HSD17B12: variants seen among roughly 807,000 people sequenced by gnomAD.
HSD17B12 encodes the protein hydroxysteroid 17-beta dehydrogenase 12, also known as very-long-chain 3-oxoacyl-CoA reductase.
In HSD17B12, 32 loss-of-function variants were observed where a neutral mutation model predicts 39.3. The ratio of observed to expected loss-of-function variants is 0.81; its 90% CI spans 0.61 to 1.09. The LOEUF (loss-of-function observed/expected upper bound fraction) is 1.09. HSD17B12 is among the 50% of genes least tolerant of loss of function. The probability of loss-of-function intolerance (pLI) is 0.00; values close to 1 mark genes in which losing one functional copy is unlikely to be tolerated. For missense variants in HSD17B12, 342 were observed against 382.9 expected, an observed-to-expected ratio of 0.89 and a Z score of 0.89; for synonymous variants, 150 against 146.7, an observed-to-expected ratio of 1.02 and a Z score of -0.16.
intron 9 of HSD17B12, among the ~76,000 whole-genome samples, chr11:43,846,748 G>C (rs1467111948): frequency 6.6e-6 from 1 of 152,188 alleles, no homozygotes; most frequent in Non-Finnish European, 1.5e-5. Context: ...CTATTTATTA[G>C]ACCCTTGGCT....
chr11:43,634,919 T>C, the HSD17B12 span, among the ~76,000 whole-genome samples: 2 of 152,202 alleles, frequency 1.3e-5, no homozygotes, highest in Admixed American at 6.5e-5. Context: ...TGGAAAAAAT[T>C]AGAATATGGC....
chr11:43,793,153 G>A (rs1950884273), intron 3 of HSD17B12, among the ~76,000 whole-genome samples: 1 of 152,104 alleles, frequency 6.6e-6, no homozygotes, highest in South Asian at 2.1e-4. Context: ...AGTGGAAGTA[G>A]CTTTACCTTG....
In HSD17B12 at chr11:43,816,980, ATATATCTATATCTATATC is replaced by A. The variant is rs57362643; in HGVS notation, c.501+637_501+654del. Among the ~76,000 whole-genome samples the A allele has an allele frequency of 5.0e-3, 668 of 132,898 alleles. 4 individuals are homozygous for A. Among genetic ancestry groups the A allele is most frequent in the South Asian group, 0.012 (51 of 4,160 alleles). 87.2% of individuals were successfully genotyped at this position (132,898 alleles called of 152,430 possible). Reference sequence around the variant, plus strand: ...TTATGACTGAGTAGTATTCCATCATATATATCTATATCTATATCTATATCTATATCTATATCTATATCT... The same window carrying A: ...TTATGACTGAGTAGTATTCCATCATATATATCTATATCTATATCTATATCT... On this transcript the variant is annotated intron_variant, in intron 6 of 10. Transcript: ENST00000278353.
the HSD17B12 span, among the ~76,000 whole-genome samples, chr11:43,590,810 T>C: frequency 4.4e-5 from 2 of 45,616 alleles, no homozygotes; most frequent in African/African-American, 1.3e-4. Flanking sequence ...AGCTCGACTT[T>C]TTTTTTTTTT....
intron 1 of HSD17B12, among the ~76,000 whole-genome samples, chr11:43,740,987 T>A (rs1950358950): frequency 6.6e-6 from 1 of 152,210 alleles, no homozygotes; most frequent in African/African-American, 2.4e-5. Flanking sequence ...ATCATTTCAG[T>A]GTTGCTGTGA....
chr11:43,635,179 T>C, the HSD17B12 span, among the ~76,000 whole-genome samples: 1 of 152,236 alleles, frequency 6.6e-6, no homozygotes, highest in African/African-American at 2.4e-5. Context: ...TTTGTTTGTT[T>C]GAAAATTTCC....
At chr11:43,805,296 G>A (rs1951007590) in intron 4 of HSD17B12, among the ~76,000 whole-genome samples, 1 of 152,088 alleles carries the variant, frequency 6.6e-6, no homozygotes, top group African/African-American at 2.4e-5. Context: ...AATTCTTATT[G>A]GAACTAGTAT....
intron 1 of HSD17B12, among the ~76,000 whole-genome samples, chr11:43,711,808 C>T (rs1480839819): frequency 1.3e-5 from 2 of 152,128 alleles, no homozygotes; most frequent in Non-Finnish European, 2.9e-5. Flanking sequence ...AGAAAATTTT[C>T]AGACTTTTCA....
At chr11:43,580,196 A>G in the HSD17B12 span, among the ~76,000 whole-genome samples, 1 of 151,044 alleles carries the variant, frequency 6.6e-6, no homozygotes. Flanking sequence ...GGGAGGGAGG[A>G]AGAGGGAGGG....
At chr11:43,592,717 C>G in the HSD17B12 span, among the ~76,000 whole-genome samples, 1 of 152,082 alleles carries the variant, frequency 6.6e-6, no homozygotes, top group Non-Finnish European at 1.5e-5. Context: ...TCCATCCTTC[C>G]TGTTGACTGT....
chr11:43,829,972 C>T (rs925178989), intron 6 of HSD17B12: 1 of 152,130 alleles, frequency 6.6e-6, no homozygotes, highest in African/African-American at 2.4e-5. Context: ...TCTGTACTAC[C>T]ATACAAAGCT....
the HSD17B12 span, among the ~76,000 whole-genome samples, chr11:43,657,947 T>C: frequency 6.6e-6 from 1 of 152,250 alleles, no homozygotes; most frequent in Non-Finnish European, 1.5e-5. Flanking sequence ...TGGCCTGCCT[T>C]GCCAGATTGG....
intron 3 of HSD17B12, among the ~76,000 whole-genome samples, chr11:43,781,966 T>C (rs1186622518): frequency 2.6e-5 from 4 of 152,350 alleles, no homozygotes; most frequent in Non-Finnish European, 4.4e-5. Flanking sequence ...GGTTTAACTC[T>C]GATTGATTTA....
chr11:43,612,413 G>C, the HSD17B12 span, among the ~76,000 whole-genome samples: 1 of 152,176 alleles, frequency 6.6e-6, no homozygotes, highest in Non-Finnish European at 1.5e-5. Flanking sequence ...GAAAGTCTGG[G>C]TTTGGTCTGG....
chr11:43,616,086 G>A, the HSD17B12 span, among the ~76,000 whole-genome samples: 2 of 152,278 alleles, frequency 1.3e-5, no homozygotes, highest in Admixed American at 1.3e-4. Context: ...AGGCAAACGG[G>A]AAAGGTCTGA....
chr11:43,653,078 G>C, the HSD17B12 span, among the ~76,000 whole-genome samples: 1 of 152,004 alleles, frequency 6.6e-6, no homozygotes, highest in South Asian at 2.1e-4. Flanking sequence ...GTCCTGCCTT[G>C]GGCTGGTGGA....
chr11:43,573,891 G>A, the HSD17B12 span, among the ~76,000 whole-genome samples: 34 of 152,154 alleles, frequency 2.2e-4, 2 homozygotes, highest in Admixed American at 2.2e-3. Flanking sequence ...TTGAAACACT[G>A]CCGGCGTCTC....
chr11:43,684,933 T>G (rs1949784473), intron 1 of HSD17B12, among the ~76,000 whole-genome samples: 1 of 152,254 alleles, frequency 6.6e-6, no homozygotes, highest in Non-Finnish European at 1.5e-5. Flanking sequence ...TTCTGGATAT[T>G]TCATATAAAT....
At chr11:43,781,834 G>A (rs960374136) in intron 3 of HSD17B12, among the ~76,000 whole-genome samples, 1 of 152,052 alleles carries the variant, frequency 6.6e-6, no homozygotes, top group Non-Finnish European at 1.5e-5. Flanking sequence ...ATATTTATAA[G>A]CTGTATATGT....
Sources: allele counts gnomAD v4.1 joint callset (sites outside exome capture counted in the v4.1 genomes callset), GRCh38; gene constraint gnomAD v4.1.1; transcripts MANE v1.5; gene names NCBI Gene and HGNC (gene_info 2026-07-23, HGNC 2026-07-21).